The following ADGRA3 variants were observed in gnomAD, a reference collection of about 807,000 sequenced individuals.
ADGRA3 encodes G-protein coupled receptor 125.
Under a neutral mutation model 119.8 loss-of-function variants are expected in ADGRA3, and 56 were observed. The observed-to-expected ratio is 0.47, with a 90% CI of 0.38 to 0.58. ADGRA3 has a LOEUF of 0.58. ADGRA3 is among the 20% of genes least tolerant of loss of function. The probability of loss-of-function intolerance (pLI) is 0.00; values close to 1 mark genes in which losing one functional copy is unlikely to be tolerated. For missense variants in ADGRA3, 1,516 were observed against 1,649.0 expected, an observed-to-expected ratio of 0.92 and a Z score of 1.40; for synonymous variants, 607 against 623.8, an observed-to-expected ratio of 0.97 and a Z score of 0.40.
intron 4 of ADGRA3, among the ~76,000 whole-genome samples, chr4:22,453,199 TCA>T (rs1560325200): frequency 6.9e-5 from 2 of 29,010 alleles, no homozygotes; most frequent in African/African-American, 2.0e-4. Context: ...AGACTCCATC[TCA>T]AAAAAAAAAA....
intron 16 of ADGRA3, among the ~76,000 whole-genome samples, chr4:22,399,495 C>CTT (rs35859289): frequency 4.4e-5 from 6 of 136,014 alleles, no homozygotes; most frequent in East Asian, 2.2e-4. Context: ...CTAGAGTTGA[C>CTT]TTTTTTTTTT....
intron 1 of ADGRA3, among the ~76,000 whole-genome samples, chr4:22,479,652 A>G (rs2109131372): frequency 6.6e-6 from 1 of 152,226 alleles, no homozygotes; most frequent in South Asian, 2.1e-4. Flanking sequence ...CTGGGTATAT[A>G]CCCAAAGAAT....
intron 3 of ADGRA3, chr4:22,455,810 C>T (rs1416232206): frequency 1.6e-6 from 2 of 1,288,354 alleles, no homozygotes; most frequent in Non-Finnish European, 2.0e-6. Flanking sequence ...GTAACTTACA[C>T]CTGGCATGGC....
chr4:22,471,310 T>C (rs1377231632), intron 2 of ADGRA3, among the ~76,000 whole-genome samples: 1 of 152,110 alleles, frequency 6.6e-6, no homozygotes, highest in Non-Finnish European at 1.5e-5. Context: ...GGGGCCTACT[T>C]GAGCGGGGAA....
chr4:22,510,524 C>G (rs1417429913), intron 1 of ADGRA3, among the ~76,000 whole-genome samples: 1 of 151,898 alleles, frequency 6.6e-6, no homozygotes, highest in East Asian at 1.9e-4. Flanking sequence ...GGGTCACCTC[C>G]TCTCCCCTCT....
intron 3 of ADGRA3, among the ~76,000 whole-genome samples, chr4:22,456,673 A>G (rs921116843): frequency 6.6e-6 from 1 of 152,116 alleles, no homozygotes; most frequent in East Asian, 1.9e-4. Context: ...CAGAAAGCCT[A>G]TTGTGGGACC....
chr4:22,488,661 G>T (rs1334899002), intron 1 of ADGRA3, among the ~76,000 whole-genome samples: 1 of 152,144 alleles, frequency 6.6e-6, no homozygotes, highest in African/African-American at 2.4e-5. Flanking sequence ...AAGGACATGG[G>T]GCTATCAGAG....
chr4:22,413,695 A>C lies in ADGRA3; in HGVS notation c.1929T>G (p.Asn643Lys), dbSNP rs960047931. The change falls in exon 13 of 19, where the codon AAT becomes AAG. Residue 643 changes from asparagine to lysine, a missense_variant. By Grantham distance (94) the Asn-to-Lys change is moderately conservative (BLOSUM62 0). Coordinates refer to ENST00000334304, the MANE Select transcript of ADGRA3 (RefSeq NM_145290.4). ...TTCCAGTGGCTGGAAAAAGCTTTCC[A>C]TTGCGGAATGCAATGAGTTGAAGCT... ...LYKLQLIAFR[N>K]GKLFPATGNS... 6.2e-6 allele frequency: 10 copies of C among 1,613,878 alleles called. No homozygotes were observed. The highest frequency in any genetic ancestry group is 1.1e-5 in the South Asian group (1 of 91,084).
At chr4:22,401,645 TAA>T in intron 15 of ADGRA3, 91 bp from the exon 16 acceptor site, 1 of 893,980 alleles carries the variant, frequency 1.1e-6, no homozygotes, top group Non-Finnish European at 1.7e-6. Flanking sequence ...TCATCAAAGG[TAA>T]AAGTTAAATA....
In ADGRA3 at chr4:22,394,760, G is replaced by C. The variant is rs377644825; in HGVS notation, c.2482-2070C>G. The C allele has an allele frequency of 3.9e-5, 6 of 152,268 alleles. No homozygotes were observed. In the East Asian group the frequency reaches 9.7e-4, roughly 25 times the overall value. The allele number at this position is 152,268 out of a possible 1,614,324, so 9.4% of individuals were successfully genotyped here. A position where few individuals can be genotyped will look rare whatever the true frequency, so the allele number is the denominator to read the frequency against. On this transcript the variant is annotated intron_variant, in intron 16 of 18. Transcript: ENST00000334304. Reference sequence around the variant, plus strand: ...CTACAGGGGACAAAACACATCTTTAGGCACTGAAGTGTTTTCTATGGCATT... The same window carrying C: ...CTACAGGGGACAAAACACATCTTTACGCACTGAAGTGTTTTCTATGGCATT...
rs73110198 is a variant in ADGRA3 at position 22,406,549 on chromosome 4, G to A, written c.2233-3750C>T. ...TTGTGGTTTTGATTTGTATTTTCCT[G>A]ATGACTAGTGATTGTGAGATTTTTT... On this transcript the variant is annotated intron_variant, in intron 14 of 18. Coordinates refer to ENST00000334304, the MANE Select transcript of ADGRA3 (RefSeq NM_145290.4). Among the ~76,000 whole-genome samples the A allele has an allele frequency of 9.3e-3, 1,418 of 152,138 alleles. 17 individuals are homozygous for A. The highest frequency in any genetic ancestry group is 0.032 in the African/African-American group (1,340 of 41,478).
At chr4:22,479,217 A>G (rs1718161768) in intron 1 of ADGRA3, among the ~76,000 whole-genome samples, 1 of 152,200 alleles carries the variant, frequency 6.6e-6, no homozygotes, top group African/African-American at 2.4e-5. Flanking sequence ...TAATCCCAGC[A>G]CTTTGGGAGG....
intron 1 of ADGRA3, among the ~76,000 whole-genome samples, chr4:22,477,337 C>T (rs534988928): frequency 3.3e-5 from 5 of 152,266 alleles, no homozygotes; most frequent in Admixed American, 2.6e-4. Context: ...CTTCACTTTT[C>T]TAGGTAGACT....
At chr4:22,413,537 G>A (rs753665959) in intron 13 of ADGRA3, 64 bp downstream of exon 13, 2 of 1,482,082 alleles carry the variant, frequency 1.3e-6, no homozygotes, top group Non-Finnish European at 1.9e-6. Flanking sequence ...AGCATTTTTA[G>A]GAACAGTCAA....
intron 1 of ADGRA3, among the ~76,000 whole-genome samples, chr4:22,496,127 T>C (rs1577383076): frequency 6.6e-6 from 1 of 152,174 alleles, no homozygotes; most frequent in East Asian, 1.9e-4. Context: ...TGAAAAGCGG[T>C]ACCTCAAAAT....
chr4:22,406,944 A>G (rs561727207), intron 14 of ADGRA3, among the ~76,000 whole-genome samples: 1 of 152,188 alleles, frequency 6.6e-6, no homozygotes, highest in South Asian at 2.1e-4. Context: ...TAGCTTTCCC[A>G]CCTTTAAAAA....
intron 1 of ADGRA3, among the ~76,000 whole-genome samples, chr4:22,475,728 G>GAAA (rs140746057): frequency 1.4e-5 from 2 of 146,580 alleles, no homozygotes; most frequent in African/African-American, 5.1e-5. Context: ...CTCCGTCTCG[G>GAAA]AAAAAAAAAT....
At chr4:22,444,205 CAG>C (rs959015174) in intron 6 of ADGRA3, among the ~76,000 whole-genome samples, 7 of 152,126 alleles carry the variant, frequency 4.6e-5, no homozygotes, top group African/African-American at 1.4e-4. Flanking sequence ...TGCTTATACA[CAG>C]AGTCTGAAGA....
intron 2 of ADGRA3, among the ~76,000 whole-genome samples, chr4:22,466,556 G>A (rs540874134): frequency 1.2e-4 from 19 of 152,156 alleles, no homozygotes; most frequent in Non-Finnish European, 2.1e-4. Context: ...GTGAAACCCC[G>A]TCTCTACTAA....
Sources: allele counts gnomAD v4.1 joint callset (sites outside exome capture counted in the v4.1 genomes callset), GRCh38; gene constraint gnomAD v4.1.1; transcripts MANE v1.5; gene names NCBI Gene and HGNC (gene_info 2026-07-23, HGNC 2026-07-21).